LETM2: variants seen among roughly 807,000 people sequenced by gnomAD.
LETM2 encodes the protein LETM1 domain-containing protein LETM2, mitochondrial.
A neutral mutation model predicts 59.6 loss-of-function variants in LETM2; 58 were observed. That is an observed-to-expected ratio of 0.97 (90% CI 0.79 to 1.21). The LOEUF (loss-of-function observed/expected upper bound fraction) is 1.21, where lower values mean the gene tolerates loss of function less well. LETM2 is among the 50% of genes most tolerant of loss of function. The pLI is 0.00. For missense variants in LETM2, 572 were observed against 575.7 expected (o/e 0.99, Z 0.07); for synonymous variants, 199 against 214.1 (o/e 0.93, Z 0.62).
At chr8:38,400,156 G>A (rs529364545) in intron 4 of LETM2, 116 bp from the exon 5 acceptor site, 310 of 736,128 alleles carry the variant, frequency 4.2e-4, no homozygotes, top group African/African-American at 3.1e-3. Flanking sequence ...TGAGAATCAC[G>A]TTATTACATG....
chr8:38,393,886 C>A lies in LETM2; in HGVS notation c.502-212C>A, dbSNP rs116343172. On this transcript the variant is annotated intron_variant, in intron 3 of 10. Coordinates refer to ENST00000379957, the MANE Select transcript of LETM2 (RefSeq NM_001286819.2). ...ACTTTAAGAACCAAGCTGAGCATGG[C>A]ACATATGCCTGTAATCCCAGCTCCT... 2.4e-3 allele frequency: 978 copies of A among 406,928 alleles called. 4 individuals carry two copies. The highest frequency in any genetic ancestry group is 0.018 in the African/African-American group (884 of 48,344). 25.2% of individuals were successfully genotyped at this position (406,928 alleles called of 1,614,324 possible).
At chr8:38,383,908 C>T (rs940701139), upstream of LETM2, among the ~76,000 whole-genome samples, 1 of 144,586 alleles carries the variant, frequency 6.9e-6, no homozygotes, top group African/African-American at 2.6e-5. Flanking sequence ...CCAGCCTGGG[C>T]GACACAGAGA....
upstream of LETM2, chr8:38,383,421 T>G (rs758913957): frequency 4.6e-5 from 7 of 152,154 alleles, no homozygotes; most frequent in Non-Finnish European, 8.8e-5. Flanking sequence ...AAACCGATAC[T>G]CTGTTCTGAG....
chr8:38,391,734 C>T (rs1812299024), intron 2 of LETM2, among the ~76,000 whole-genome samples: 1 of 151,630 alleles, frequency 6.6e-6, no homozygotes. Context: ...TTCTGTTGCC[C>T]AGGCTGGAGT....
At chr8:38,396,805 T>C (rs1812726586) in intron 4 of LETM2, among the ~76,000 whole-genome samples, 1 of 151,860 alleles carries the variant, frequency 6.6e-6, no homozygotes, top group African/African-American at 2.4e-5. Context: ...CCCAGCTACT[T>C]GGGAGGCTGA....
chr8:38,408,255 C>T lies in LETM2; in HGVS notation c.1457C>T (p.Ala486Val), dbSNP rs143818037. 1.9e-6 allele frequency: 3 copies of T among 1,612,878 alleles called. No homozygotes were observed. The African/African-American group carries it at 4.0e-5, about 22-fold the overall frequency. The change falls in exon 11 of 11, where the codon GCT becomes GTT. Residue 486 changes from alanine to valine, a missense_variant. Ala to Val is a moderately conservative substitution (Grantham distance 64, BLOSUM62 0). Transcript: ENST00000379957. ...KSQMTAQNSKASSKGA is the reference protein window; with the variant it reads ...KSQMTAQNSKVSSKGA The stretch of plus-strand genomic sequence containing the variant: ...CAAATGACGGCCCAGAACAGCAAGG[C>T]TAGTTCAAAAGGAGCATAAAGGACT...
chr8:38,389,221 A>ATTTATTTATTTT (rs1198264189), intron 2 of LETM2, among the ~76,000 whole-genome samples: 1 of 151,380 alleles, frequency 6.6e-6, no homozygotes, highest in Non-Finnish European at 1.5e-5. Context: ...TTATTTATTT[A>ATTTATTTATTTT]TTTATTTATT....
intron 4 of LETM2, among the ~76,000 whole-genome samples, chr8:38,395,271 C>T (rs1242816014): frequency 2.0e-5 from 3 of 152,162 alleles, no homozygotes; most frequent in African/African-American, 4.8e-5. Context: ...TATGGTAAGA[C>T]TATGTTTAGC....
chr8:38,405,651 A>AGAG (rs1479577656), intron 8 of LETM2, among the ~76,000 whole-genome samples: 2 of 152,224 alleles, frequency 1.3e-5, no homozygotes, highest in African/African-American at 4.8e-5. Context: ...GAGCAGTTTC[A>AGAG]GAGTATAGAC....
intron 4 of LETM2, among the ~76,000 whole-genome samples, chr8:38,395,600 C>T (rs1812622045): frequency 6.6e-6 from 1 of 152,108 alleles, no homozygotes. Context: ...ACTGCAACCT[C>T]TGCTTCCCGG....
chr8:38,394,192 A>T lies in LETM2; in HGVS notation c.596A>T (p.Lys199Ile). The T allele has an allele frequency of 6.6e-7, 1 of 1,516,166 alleles. No individual in the cohort carries two copies. Among genetic ancestry groups the T allele is most frequent in the South Asian group, 1.3e-5 (1 of 79,296 alleles). 93.9% of individuals were successfully genotyped at this position (1,516,166 alleles called of 1,614,324 possible). A position where few individuals can be genotyped will look rare whatever the true frequency, so the allele number is the denominator to read the frequency against. ...GAATTCTTATTACCAGTGTTTCTGA[A>T]ACTCTTCCCAGAGATGTTGCCATCA... ...FMEFLLPVFL[K>I]LFPEMLPSTF... is the part of the protein sequence containing the mutation. Residue 199 changes from lysine to isoleucine, a missense_variant, in exon 4 of 11, where the codon AAA (lysine) becomes ATA (isoleucine). Transcript: ENST00000379957.
chr8:38,394,065 T>A, intron 3 of LETM2, 33 bp from the exon 4 acceptor site: 1 of 1,385,080 alleles, frequency 7.2e-7, no homozygotes, highest in Non-Finnish European at 9.4e-7. Context: ...TGCCCTAAAA[T>A]AATGAATATT....
intron 5 of LETM2, 165 bp downstream of exon 5, chr8:38,400,574 A>G (rs1318712831): frequency 2.8e-6 from 2 of 721,108 alleles, no homozygotes; most frequent in Admixed American, 3.4e-5. Context: ...CATTGATAGT[A>G]GTTTGCAGAA....
intron 1 of LETM2, 191 bp downstream of exon 1, chr8:38,386,759 C>T (rs1421133920): frequency 3.3e-5 from 5 of 153,032 alleles, no homozygotes; most frequent in Non-Finnish European, 7.3e-5. Flanking sequence ...CAGCACAGCG[C>T]GAACTCTGAA....
intron 8 of LETM2, chr8:38,406,705 C>A: frequency 2.5e-6 from 1 of 399,134 alleles, no homozygotes. Flanking sequence ...ATTTTAAATG[C>A]TAGAATCTAT....
chr8:38,385,187 T>G (rs1002164298), upstream of LETM2, among the ~76,000 whole-genome samples: 7 of 152,318 alleles, frequency 4.6e-5, no homozygotes, highest in East Asian at 1.3e-3. Flanking sequence ...TATTTAACAG[T>G]GGATCTATTT....
At chr8:38,405,155 CT>C (rs1236717631) in intron 8 of LETM2, among the ~76,000 whole-genome samples, 2 of 152,130 alleles carry the variant, frequency 1.3e-5, no homozygotes, top group Non-Finnish European at 2.9e-5. Flanking sequence ...CTGCTTTCTC[CT>C]TTTAGACTGA....
At chr8:38,394,361 GTAAT>G in intron 4 of LETM2, 120 bp downstream of exon 4, 1 of 496,874 alleles carries the variant, frequency 2.0e-6, no homozygotes, top group Non-Finnish European at 3.5e-6. Context: ...AATTTCTCCT[GTAAT>G]TAATATCTTG....
At chr8:38,387,235 G>C (rs1224921013) in intron 1 of LETM2, 1 of 152,274 alleles carries the variant, frequency 6.6e-6, no homozygotes, top group Non-Finnish European at 1.5e-5. Context: ...TGTGGCTAAG[G>C]TTTCTATTCA....
Sources: gnomAD v4.1 joint callset for allele counts (sites outside exome capture counted in the v4.1 genomes callset) on GRCh38, gnomAD v4.1.1 for gene constraint, MANE v1.5 for transcripts, NCBI Gene and HGNC (gene_info 2026-07-23, HGNC 2026-07-21) for gene names.